Variants in PDE8A observed in about 807,000 individuals in gnomAD.
PDE8A encodes phosphodiesterase 8A, also known as high affinity cAMP-specific and IBMX-insensitive 3',5'-cyclic phosphodiesterase 8A.
PDE8A carries 59 observed loss-of-function variants against 105.0 expected under a neutral mutation model. The ratio of observed to expected loss-of-function variants is 0.56; its 90% confidence interval spans 0.46 to 0.70. The LOEUF (loss-of-function observed/expected upper bound fraction) is 0.70. Among genes scored for constraint, PDE8A ranks in the 30% least tolerant of loss-of-function variants. The pLI, the probability that PDE8A is intolerant of heterozygous loss-of-function variation, is 0.00. For missense variants in PDE8A, 1,014 were observed against 1,045.9 expected (o/e 0.97, Z 0.42); for synonymous variants, 355 against 371.9 (o/e 0.95, Z 0.52).
chr15:85,060,178 C>A (rs1478444844), intron 1 of PDE8A, among the ~76,000 whole-genome samples: 2 of 151,944 alleles, frequency 1.3e-5, no homozygotes, highest in Non-Finnish European at 2.9e-5. Flanking sequence ...TCTCATTTCC[C>A]TTTGTGTATA....
intron 11 of PDE8A, 156 bp downstream of exon 11, chr15:85,100,354 A>C: frequency 1.5e-6 from 1 of 664,316 alleles, no homozygotes. Flanking sequence ...CTTATGAGTC[A>C]CTTGTACAGA....
chr15:85,084,850 A>T (rs1234032905), intron 6 of PDE8A, among the ~76,000 whole-genome samples: 1 of 152,184 alleles, frequency 6.6e-6, no homozygotes, highest in East Asian at 1.9e-4. Flanking sequence ...GTCCTAAACT[A>T]AAACCCCTGT....
At chr15:85,119,059 C>G (rs1440883728) in intron 17 of PDE8A, among the ~76,000 whole-genome samples, 1 of 152,100 alleles carries the variant, frequency 6.6e-6, no homozygotes, top group Non-Finnish European at 1.5e-5. Context: ...CAAGTAACAA[C>G]AGAGGGACAT....
chr15:85,052,075 T>C (rs939860835), intron 1 of PDE8A, among the ~76,000 whole-genome samples: 4 of 152,056 alleles, frequency 2.6e-5, no homozygotes, highest in African/African-American at 9.7e-5. Context: ...ATGCAGTGTT[T>C]GGTTTTCTGT....
At chr15:85,085,266 GATATAAAA>G (rs1241940143) in intron 6 of PDE8A, among the ~76,000 whole-genome samples, 3 of 152,176 alleles carry the variant, frequency 2.0e-5, no homozygotes, top group Admixed American at 6.5e-5. Context: ...TATACAGGGA[GATATAAAA>G]ATATAAAGGG....
At chr15:85,114,795 G>C (rs1004640458) in intron 14 of PDE8A, among the ~76,000 whole-genome samples, 4 of 152,096 alleles carry the variant, frequency 2.6e-5, no homozygotes, top group African/African-American at 9.7e-5. Flanking sequence ...TTTGAGACAG[G>C]GTCTCCTCCA....
intron 1 of PDE8A, among the ~76,000 whole-genome samples, chr15:85,010,669 GA>G (rs2080224782): frequency 6.6e-6 from 1 of 152,186 alleles, no homozygotes; most frequent in Admixed American, 6.5e-5. Context: ...TCAAATGAAT[GA>G]ACTGACTTCA....
At chr15:85,047,772 T>G (rs2080909992) in intron 1 of PDE8A, among the ~76,000 whole-genome samples, 1 of 152,200 alleles carries the variant, frequency 6.6e-6, no homozygotes, top group Non-Finnish European at 1.5e-5. Flanking sequence ...CAGGATTGTT[T>G]ACCTAGGAGG....
At chr15:85,031,891 A>C (rs567959021) in intron 1 of PDE8A, among the ~76,000 whole-genome samples, 1 of 152,132 alleles carries the variant, frequency 6.6e-6, no homozygotes, top group East Asian at 1.9e-4. Flanking sequence ...CAGTTTTGTA[A>C]GGGGTATATC....
chr15:85,021,289 C>CT (rs927793186), intron 1 of PDE8A, among the ~76,000 whole-genome samples: 34 of 152,282 alleles, frequency 2.2e-4, no homozygotes, highest in African/African-American at 7.9e-4. Context: ...CACCTGTAGT[C>CT]TCAGCAATTT....
chr15:85,025,507 A>G (rs1304746063), intron 1 of PDE8A, among the ~76,000 whole-genome samples: 1 of 152,216 alleles, frequency 6.6e-6, no homozygotes. Context: ...CCCAAAGCCC[A>G]GTTAACCAAT....
In PDE8A at chr15:85,105,826, G is replaced by A. The variant is rs528724356; in HGVS notation, c.1037-3227G>A. Reference sequence around the variant, plus strand: ...ACCCAGTAAGCATGAGGCCCTGGGCGCAGCACGCCTTCAGGAGCTGGTAGT... The same window carrying A: ...ACCCAGTAAGCATGAGGCCCTGGGCACAGCACGCCTTCAGGAGCTGGTAGT... On this transcript the variant is annotated intron_variant, in intron 11 of 21. Coordinates refer to ENST00000394553, the MANE Select transcript of PDE8A (RefSeq NM_002605.3). Among the ~76,000 whole-genome samples, 18 of 152,276 alleles carry A rather than the reference G, an allele frequency of 1.2e-4. No homozygotes were observed. The South Asian group carries it at 3.3e-3, about 28-fold the overall frequency.
chr15:85,058,603 TTC>T (rs2081098723), intron 1 of PDE8A, among the ~76,000 whole-genome samples: 1 of 152,188 alleles, frequency 6.6e-6, no homozygotes, highest in Admixed American at 6.5e-5. Context: ...TATTCAGGTT[TTC>T]TGTTTCTTTA....
chr15:85,087,659 A>G (rs899874791), intron 6 of PDE8A, among the ~76,000 whole-genome samples: 2 of 152,162 alleles, frequency 1.3e-5, no homozygotes, highest in African/African-American at 4.8e-5. Context: ...ATGTCTAGTG[A>G]TAGGGGATTT....
intron 12 of PDE8A, among the ~76,000 whole-genome samples, chr15:85,111,260 C>G (rs1020583497): frequency 6.6e-6 from 1 of 152,094 alleles, no homozygotes. Flanking sequence ...TTATTACTTG[C>G]GCTTTTTATG....
chr15:84,989,110 C>T (rs894803201), intron 1 of PDE8A, among the ~76,000 whole-genome samples: 2 of 152,210 alleles, frequency 1.3e-5, no homozygotes, highest in Non-Finnish European at 2.9e-5. Context: ...TGAGTCCCCT[C>T]CTTCTGTTCT....
intron 14 of PDE8A, among the ~76,000 whole-genome samples, chr15:85,114,924 C>T (rs183720495): frequency 3.3e-5 from 5 of 152,046 alleles, no homozygotes; most frequent in Non-Finnish European, 7.4e-5. Context: ...CGGGTTTGGG[C>T]CAGGTGGTCT....
At chr15:85,065,653 C>T (rs539909412) in intron 2 of PDE8A, among the ~76,000 whole-genome samples, 2 of 152,276 alleles carry the variant, frequency 1.3e-5, no homozygotes, top group African/African-American at 4.8e-5. Context: ...TGAGTAAACT[C>T]GGAAGAAATA....
chr15:85,005,297 G>A (rs2080128521), intron 1 of PDE8A, among the ~76,000 whole-genome samples: 2 of 151,970 alleles, frequency 1.3e-5, no homozygotes, highest in Admixed American at 6.6e-5. Flanking sequence ...TAATTTTTTT[G>A]TAGAGAAAGG....
Sources: allele counts gnomAD v4.1 joint callset (sites outside exome capture counted in the v4.1 genomes callset), GRCh38; gene constraint gnomAD v4.1.1; transcripts MANE v1.5; gene names NCBI Gene and HGNC (gene_info 2026-07-23, HGNC 2026-07-21).